The following PTPRG variants were observed in gnomAD, a reference collection of about 807,000 sequenced individuals.
PTPRG encodes the protein protein tyrosine phosphatase receptor type G, also known as receptor-type tyrosine-protein phosphatase gamma.
In PTPRG, 102 loss-of-function variants were observed where a neutral mutation model predicts 165.3. The observed-to-expected ratio is 0.62, with a 90% CI of 0.53 to 0.73. The LOEUF is 0.73. Ranked by LOEUF, PTPRG falls within the 30% of genes least tolerant of loss-of-function variation. PTPRG has a pLI of 0.00. For synonymous variants in PTPRG, 675 were observed against 669.5 expected (o/e 1.01, Z -0.13); for missense variants, 1,866 against 1,861.4 (o/e 1.00, Z -0.05).
At chr3:61,575,044 A>T (rs1472405153) in intron 1 of PTPRG, among the ~76,000 whole-genome samples, 1 of 152,210 alleles carries the variant, frequency 6.6e-6, no homozygotes, top group Non-Finnish European at 1.5e-5. Context: ...TCAAATTTCA[A>T]CAAGATTTGG....
chr3:62,041,618 C>T (rs940780315), intron 4 of PTPRG, among the ~76,000 whole-genome samples: 4 of 152,148 alleles, frequency 2.6e-5, no homozygotes, highest in Non-Finnish European at 4.4e-5. Flanking sequence ...ACAACCCCTG[C>T]CCCCTTCCAC....
At chr3:62,125,291 A>T (rs967656711) in intron 5 of PTPRG, among the ~76,000 whole-genome samples, 1 of 152,160 alleles carries the variant, frequency 6.6e-6, no homozygotes, top group Non-Finnish European at 1.5e-5. Context: ...AACCTGTTTG[A>T]TCCAATGTGC....
At chr3:61,563,436 C>T (rs1355536575) in intron 1 of PTPRG, among the ~76,000 whole-genome samples, 1 of 152,136 alleles carries the variant, frequency 6.6e-6, no homozygotes, top group Non-Finnish European at 1.5e-5. Context: ...AGGCCAGCTG[C>T]CTCCCTCTCC....
At chr3:62,088,202 G>A (rs1002704551) in intron 5 of PTPRG, among the ~76,000 whole-genome samples, 7 of 152,190 alleles carry the variant, frequency 4.6e-5, no homozygotes, top group African/African-American at 1.7e-4. Flanking sequence ...CACGGAGAGT[G>A]CCCAGGAACG....
intron 2 of PTPRG, among the ~76,000 whole-genome samples, chr3:61,923,793 C>A (rs1367740532): frequency 6.7e-6 from 1 of 149,066 alleles, no homozygotes; most frequent in African/African-American, 2.5e-5. Context: ...ACCTCAGCCT[C>A]CCAAAACACT....
chr3:61,576,218 T>C (rs542757822), intron 1 of PTPRG, among the ~76,000 whole-genome samples: 6 of 152,202 alleles, frequency 3.9e-5, no homozygotes, highest in African/African-American at 1.4e-4. Context: ...TTGACAGAGG[T>C]TTAGCAAAGA....
At chr3:62,281,435 T>C in intron 26 of PTPRG, 128 bp from the exon 27 acceptor site, 1 of 759,976 alleles carries the variant, frequency 1.3e-6, no homozygotes, top group Non-Finnish European at 2.0e-6. Flanking sequence ...TGGGAACATA[T>C]AACTCTTATG....
At chr3:61,660,370 T>C (rs530523697) in intron 1 of PTPRG, among the ~76,000 whole-genome samples, 2 of 152,342 alleles carry the variant, frequency 1.3e-5, no homozygotes, top group South Asian at 2.1e-4. Context: ...TACAGAAGTA[T>C]CACAGTGTGG....
intron 1 of PTPRG, among the ~76,000 whole-genome samples, chr3:61,591,490 C>G (rs1575523170): frequency 6.6e-6 from 1 of 152,204 alleles, no homozygotes; most frequent in East Asian, 1.9e-4. Flanking sequence ...TTTCTTCCCT[C>G]TGTTGTTAAG....
At position 62,007,518 on chromosome 3, in the gene PTPRG, C is replaced by G. The variant is rs184092529; in HGVS notation, c.519+4021C>G. ...CAATTTGGATCCTCAGATGCCCTCA[C>G]CTCCTGTTACTGAGCTTTATTCCTT... On this transcript the variant is annotated intron_variant, in intron 4 of 29. Transcript: ENST00000474889. 2.6e-5 allele frequency among the ~76,000 whole-genome samples: 4 copies of G among 152,336 alleles called. No individual in the cohort carries two copies. The East Asian group carries it at 7.7e-4, about 29-fold the overall frequency.
At chr3:62,285,628 C>T (rs535512271) in intron 28 of PTPRG, among the ~76,000 whole-genome samples, 1 of 151,670 alleles carries the variant, frequency 6.6e-6, no homozygotes, top group East Asian at 1.9e-4. Context: ...TATTTGAGGA[C>T]AGGCACAGCT....
chr3:62,157,511 A>G (rs948008381), intron 7 of PTPRG, among the ~76,000 whole-genome samples: 1 of 152,242 alleles, frequency 6.6e-6, no homozygotes, highest in East Asian at 1.9e-4. Flanking sequence ...GCTATCCTCA[A>G]TGATGATGAC....
chr3:61,896,121 G>C, intron 2 of PTPRG, among the ~76,000 whole-genome samples: 1 of 152,032 alleles, frequency 6.6e-6, no homozygotes, highest in Admixed American at 6.6e-5. Context: ...ATTTGCGTAG[G>C]TTCATGTATC....
At chr3:62,084,999 A>G (rs2106776984) in intron 5 of PTPRG, among the ~76,000 whole-genome samples, 1 of 152,340 alleles carries the variant, frequency 6.6e-6, no homozygotes, top group South Asian at 2.1e-4. Flanking sequence ...GCTACAAATT[A>G]TAAAAAATAG....
At chr3:61,742,483 G>C in intron 1 of PTPRG, 1 of 1,590,318 alleles carries the variant, frequency 6.3e-7, no homozygotes, top group Non-Finnish European at 8.5e-7. Flanking sequence ...CTTGCCCATG[G>C]TGCTCTCGAT....
chr3:61,658,859 T>C (rs947329565), intron 1 of PTPRG, among the ~76,000 whole-genome samples: 1 of 152,216 alleles, frequency 6.6e-6, no homozygotes, highest in Admixed American at 6.5e-5. Context: ...AACATAGTTA[T>C]ACGCCTGTAA....
intron 1 of PTPRG, among the ~76,000 whole-genome samples, chr3:61,735,603 C>G (rs946695236): frequency 6.6e-6 from 1 of 151,376 alleles, no homozygotes; most frequent in African/African-American, 2.4e-5. Flanking sequence ...CGATGAGAGG[C>G]CTGTGTTTGA....
intron 5 of PTPRG, among the ~76,000 whole-genome samples, chr3:62,121,137 T>G (rs1703055352): frequency 1.3e-5 from 2 of 149,848 alleles, no homozygotes; most frequent in Non-Finnish European, 3.0e-5. Context: ...GTATTTTTAG[T>G]AAAGACGGGG....
chr3:61,979,427 T>C (rs1402406576), intron 2 of PTPRG, among the ~76,000 whole-genome samples: 1 of 152,188 alleles, frequency 6.6e-6, no homozygotes, highest in Admixed American at 6.5e-5. Flanking sequence ...GTCTCTGACA[T>C]CGTGAGGCTC....
Sources: allele counts gnomAD v4.1 joint callset (sites outside exome capture counted in the v4.1 genomes callset), GRCh38; gene constraint gnomAD v4.1.1; transcripts MANE v1.5; gene names NCBI Gene and HGNC (gene_info 2026-07-23, HGNC 2026-07-21).